PCDH15: variants seen among roughly 807,000 people sequenced by gnomAD.
The protein encoded by PCDH15 is protocadherin-15.
In PCDH15, 129 loss-of-function variants were observed where a neutral mutation model predicts 178.5. The ratio of observed to expected loss-of-function variants is 0.72; its 90% CI spans 0.63 to 0.84. The LOEUF (loss-of-function observed/expected upper bound fraction) is 0.84, where lower values mean the gene tolerates loss of function less well. PCDH15 is among the 40% of genes least tolerant of loss of function. The pLI is 0.00. For missense variants in PCDH15, 2,230 were observed against 2,099.9 expected (o/e 1.06, Z -1.21); for synonymous variants, 800 against 732.0 (o/e 1.09, Z -1.50).
intron 1 of PCDH15, among the ~76,000 whole-genome samples, chr10:55,229,813 G>A (rs951620745): frequency 2.6e-5 from 4 of 151,956 alleles, no homozygotes; most frequent in Non-Finnish European, 4.4e-5. Flanking sequence ...TGATAAAAGC[G>A]GGGGTTCTAG....
intron 2 of PCDH15, among the ~76,000 whole-genome samples, chr10:55,600,853 C>G (rs746550142): frequency 6.6e-6 from 1 of 151,970 alleles, no homozygotes; most frequent in Non-Finnish European, 1.5e-5. Context: ...CATTGCCCTT[C>G]TCCTTTTTTA....
At chr10:54,115,478 A>G (rs2095097355) in intron 15 of PCDH15, among the ~76,000 whole-genome samples, 1 of 152,244 alleles carries the variant, frequency 6.6e-6, no homozygotes, top group African/African-American at 2.4e-5. Context: ...GGCTTCAGCT[A>G]TCAGTCCTAT....
chr10:53,958,991 A>G (rs868373257), intron 23 of PCDH15, among the ~76,000 whole-genome samples: 1 of 147,432 alleles, frequency 6.8e-6, no homozygotes, highest in African/African-American at 2.6e-5. Flanking sequence ...AAAAAAAAAA[A>G]AAAAAAAAAA....
intron 8 of PCDH15, among the ~76,000 whole-genome samples, chr10:54,267,954 A>G (rs1350710875): frequency 6.6e-6 from 1 of 151,980 alleles, no homozygotes; most frequent in African/African-American, 2.4e-5. Context: ...TAACTAAAAA[A>G]GAGCCTGAAT....
At chr10:54,805,441 G>T (rs148869579), upstream of PCDH15, among the ~76,000 whole-genome samples, 1 of 152,232 alleles carries the variant, frequency 6.6e-6, no homozygotes, top group Non-Finnish European at 1.5e-5. Flanking sequence ...ATCACAAAAA[G>T]ACCTTAACCA....
intron 28 of PCDH15, among the ~76,000 whole-genome samples, chr10:53,850,177 T>C (rs1247690103): frequency 1.3e-5 from 2 of 152,148 alleles, no homozygotes; most frequent in African/African-American, 4.8e-5. Flanking sequence ...CTTTGTTCCA[T>C]GTGATTATTT....
chr10:55,085,729 C>T (rs574454281), intron 2 of PCDH15, among the ~76,000 whole-genome samples: 36 of 151,758 alleles, frequency 2.4e-4, no homozygotes, highest in Non-Finnish European at 4.4e-4. Context: ...AAGTGAATAA[C>T]AAATTGGTCT....
At chr10:54,144,850 A>G (rs1192091115) in intron 14 of PCDH15, among the ~76,000 whole-genome samples, 1 of 152,216 alleles carries the variant, frequency 6.6e-6, no homozygotes, top group African/African-American at 2.4e-5. Context: ...TTAATTAGCA[A>G]CAGCAGATAA....
intron 2 of PCDH15, among the ~76,000 whole-genome samples, chr10:54,997,056 C>T (rs7897945): frequency 0.73 from 109,958 of 150,272 alleles, 40,373 homozygotes; most frequent in East Asian, 0.87. Flanking sequence ...TTGCAGTGAG[C>T]TGAGATCGCA....
intron 2 of PCDH15, among the ~76,000 whole-genome samples, chr10:54,532,436 C>A (rs939181002): frequency 5.3e-5 from 8 of 151,994 alleles, no homozygotes; most frequent in African/African-American, 1.9e-4. Flanking sequence ...CCAATATATA[C>A]TCTCATAACT....
At chr10:54,477,337 C>T (rs762116616) in intron 3 of PCDH15, among the ~76,000 whole-genome samples, 15 of 152,140 alleles carry the variant, frequency 9.9e-5, no homozygotes, top group Non-Finnish European at 1.5e-4. Flanking sequence ...AGCCATTGCT[C>T]AGGAAGCCCT....
At chr10:54,992,403 C>A (rs115599886) in intron 2 of PCDH15, among the ~76,000 whole-genome samples, 1 of 152,102 alleles carries the variant, frequency 6.6e-6, no homozygotes, top group Non-Finnish European at 1.5e-5. Flanking sequence ...GTTTTCAGGA[C>A]AGAAAACCAG....
chr10:55,061,129 T>G (rs896392303), intron 2 of PCDH15, among the ~76,000 whole-genome samples: 3 of 151,922 alleles, frequency 2.0e-5, no homozygotes, highest in Non-Finnish European at 4.4e-5. Context: ...GGCAAAAAAA[T>G]GAAAATATAA....
intron 2 of PCDH15, among the ~76,000 whole-genome samples, chr10:55,425,901 G>C (rs1180447245): frequency 6.6e-6 from 1 of 152,004 alleles, no homozygotes; most frequent in East Asian, 1.9e-4. Flanking sequence ...ATTGTAAAAC[G>C]TTTCTATATT....
At chr10:53,988,629 A>C (rs888093357) in intron 21 of PCDH15, among the ~76,000 whole-genome samples, 2 of 152,132 alleles carry the variant, frequency 1.3e-5, no homozygotes, top group Non-Finnish European at 2.9e-5. Flanking sequence ...GGTCATGAGA[A>C]GCCAAGATAC....
chr10:54,696,690 A>G (rs1379444495), intron 1 of PCDH15, among the ~76,000 whole-genome samples: 4 of 152,066 alleles, frequency 2.6e-5, no homozygotes, highest in Admixed American at 1.3e-4. Context: ...ATGAAAAAAA[A>G]AACCGCCCTA....
At chr10:54,715,973 G>A (rs2095475442) in intron 1 of PCDH15, among the ~76,000 whole-genome samples, 1 of 152,086 alleles carries the variant, frequency 6.6e-6, no homozygotes, top group African/African-American at 2.4e-5. Context: ...GGAATTTGGA[G>A]CACTCACTCT....
At position 54,157,594 on chromosome 10, in the gene PCDH15, G is replaced by A. The variant is rs12258530; in HGVS notation, c.1591-4301C>T. 7.2e-3 allele frequency among the ~76,000 whole-genome samples: 1,097 copies of A among 152,280 alleles called. 19 individuals are homozygous for A. The highest frequency in any genetic ancestry group is 0.026 in the African/African-American group (1,074 of 41,558). On this transcript the variant is annotated intron_variant, in intron 13 of 37. Coordinates refer to ENST00000644397, the MANE Select transcript of PCDH15 (RefSeq NM_001384140.1). ...CTGTGAAGACCTCTGACATGCCCTGGAGATATTTTCCCCATTGTCTTGGGG... is the reference window on the plus strand; with the variant it reads ...CTGTGAAGACCTCTGACATGCCCTGAAGATATTTTCCCCATTGTCTTGGGG...
At chr10:54,258,907 T>C (rs2057112373) in intron 8 of PCDH15, among the ~76,000 whole-genome samples, 1 of 152,178 alleles carries the variant, frequency 6.6e-6, no homozygotes, top group Admixed American at 6.5e-5. Context: ...TTTGCATTTA[T>C]TTCTTATTTC....
Sources: allele counts gnomAD v4.1 joint callset (sites outside exome capture counted in the v4.1 genomes callset), GRCh38; gene constraint gnomAD v4.1.1; transcripts MANE v1.5; gene names NCBI Gene and HGNC (gene_info 2026-07-23, HGNC 2026-07-21).